Variants in SLC9A9 observed in about 807,000 individuals in gnomAD.
The protein encoded by SLC9A9 is sodium/hydrogen exchanger 9.
A neutral mutation model predicts 77.8 loss-of-function variants in SLC9A9; 62 were observed. The observed-to-expected ratio is 0.80, with a 90% CI of 0.65 to 0.98. The LOEUF (loss-of-function observed/expected upper bound fraction) is 0.98, where lower values mean the gene tolerates loss of function less well. Ranked by LOEUF, SLC9A9 falls within the 50% of genes least tolerant of loss-of-function variation. SLC9A9 has a pLI of 0.00. For missense variants in SLC9A9, 775 were observed against 774.9 expected (o/e 1.00, Z 0.00); for synonymous variants, 320 against 283.5 (o/e 1.13, Z -1.29).
chr3:143,277,802 C>T (rs945676896), intron 14 of SLC9A9, among the ~76,000 whole-genome samples: 175 of 152,182 alleles, frequency 1.1e-3, no homozygotes, highest in African/African-American at 4.1e-3. Context: ...CTTTGAAGGT[C>T]ACTTCCCTGA....
chr3:143,823,817 G>A (rs1327618515), intron 2 of SLC9A9, among the ~76,000 whole-genome samples: 2 of 151,934 alleles, frequency 1.3e-5, no homozygotes, highest in Non-Finnish European at 1.5e-5. Context: ...AAGATGAGGT[G>A]TCCATATCTT....
chr3:143,490,567 G>A (rs2035725694), intron 11 of SLC9A9, among the ~76,000 whole-genome samples: 1 of 152,118 alleles, frequency 6.6e-6, no homozygotes. Flanking sequence ...TTTACAAGAC[G>A]AAAAGAATTA....
At chr3:143,514,564 C>A (rs145553940) in intron 9 of SLC9A9, among the ~76,000 whole-genome samples, 116 of 152,342 alleles carry the variant, frequency 7.6e-4, no homozygotes, top group African/African-American at 2.7e-3. Flanking sequence ...CCACCTTTAT[C>A]AATTAGCTAG....
chr3:143,517,714 G>A (rs1333354581), intron 9 of SLC9A9: 44 of 1,597,648 alleles, frequency 2.8e-5, no homozygotes, highest in Non-Finnish European at 3.4e-5. Flanking sequence ...CAATGGCTCT[G>A]TCACAGTCTT....
Position 143,691,361 on chromosome 3 carries a change from C to T in SLC9A9, c.649+1831G>A, listed in dbSNP as rs928863793. 5.9e-5 allele frequency among the ~76,000 whole-genome samples: 9 copies of T among 152,208 alleles called. No homozygotes were observed. The East Asian group carries it at 1.7e-3, about 29-fold the overall frequency. ...TTGGGTTTATAGGCATGAGCCACCG[C>T]TCCCAGCTGAGAAAGATTCTTATAT... On this transcript the variant is annotated intron_variant, in intron 5 of 15. Coordinates refer to ENST00000316549, the MANE Select transcript of SLC9A9 (RefSeq NM_173653.4).
chr3:143,774,635 G>A (rs1037689930), intron 4 of SLC9A9, among the ~76,000 whole-genome samples: 5 of 152,124 alleles, frequency 3.3e-5, no homozygotes, highest in African/African-American at 1.2e-4. Context: ...GTTATTATGT[G>A]TATCATATAC....
At chr3:143,487,380 G>A (rs1370950650) in intron 11 of SLC9A9, among the ~76,000 whole-genome samples, 1 of 151,756 alleles carries the variant, frequency 6.6e-6, no homozygotes, top group Non-Finnish European at 1.5e-5. Context: ...CAGATAGAAT[G>A]TAAGTAAGGG....
intron 1 of SLC9A9, among the ~76,000 whole-genome samples, chr3:143,833,609 T>C (rs1255070519): frequency 6.6e-6 from 1 of 152,118 alleles, no homozygotes; most frequent in African/African-American, 2.4e-5. Flanking sequence ...ATGCTCTCCC[T>C]GTGTGTAGAC....
intron 4 of SLC9A9, among the ~76,000 whole-genome samples, chr3:143,783,711 T>C (rs2007956273): frequency 6.6e-6 from 1 of 152,290 alleles, no homozygotes; most frequent in South Asian, 2.1e-4. Context: ...GAATAAGATT[T>C]ACTTCTGGGG....
Position 143,291,196 on chromosome 3 carries a change from C to T in SLC9A9, c.1605-22216G>A, listed in dbSNP as rs371772069. Reference sequence around the variant, plus strand: ...CATCCTTCACATGCCGTCACCCTCCCTTTGAGCAGCACCCTCCTTGTCATC... The same window carrying T: ...CATCCTTCACATGCCGTCACCCTCCTTTTGAGCAGCACCCTCCTTGTCATC... On this transcript the variant is annotated intron_variant, in intron 14 of 15. Transcript: ENST00000316549. 3.3e-5 allele frequency among the ~76,000 whole-genome samples: 5 copies of T among 152,326 alleles called. No homozygotes were observed. In the East Asian group the frequency reaches 5.8e-4, roughly 18 times the overall value.
chr3:143,465,888 T>G (rs1025928076), intron 12 of SLC9A9, among the ~76,000 whole-genome samples: 1 of 152,238 alleles, frequency 6.6e-6, no homozygotes, highest in African/African-American at 2.4e-5. Context: ...TTTTTATGTG[T>G]TTAGCAATAT....
At chr3:143,397,676 C>CCCA (rs1432858048) in intron 12 of SLC9A9, among the ~76,000 whole-genome samples, 1 of 152,114 alleles carries the variant, frequency 6.6e-6, no homozygotes. Context: ...CCATTAAAGA[C>CCCA]CATGCTTGGT....
At chr3:143,616,985 A>G (rs1374861212) in intron 6 of SLC9A9, among the ~76,000 whole-genome samples, 1 of 152,152 alleles carries the variant, frequency 6.6e-6, no homozygotes, top group African/African-American at 2.4e-5. Flanking sequence ...GTGTGATAAG[A>G]AGAATGCTCA....
intron 6 of SLC9A9, among the ~76,000 whole-genome samples, chr3:143,630,001 A>AT (rs1319789026): frequency 6.6e-6 from 1 of 152,056 alleles, no homozygotes; most frequent in Non-Finnish European, 1.5e-5. Flanking sequence ...CAATTATATT[A>AT]TTTTTACTTC....
chr3:143,530,524 G>C (rs1374144419), intron 9 of SLC9A9, among the ~76,000 whole-genome samples: 4 of 152,088 alleles, frequency 2.6e-5, no homozygotes, highest in Non-Finnish European at 4.4e-5. Context: ...AAATTACCCA[G>C]TGTTGGGTAT....
At chr3:143,467,322 A>T in intron 11 of SLC9A9, 132 bp from the exon 12 acceptor site, 1 of 1,057,334 alleles carries the variant, frequency 9.5e-7, no homozygotes, top group East Asian at 2.6e-5. Context: ...TTATAGATTC[A>T]TAAAGAGTTG....
intron 6 of SLC9A9, among the ~76,000 whole-genome samples, chr3:143,625,186 T>C (rs1488849963): frequency 6.6e-6 from 1 of 152,232 alleles, no homozygotes; most frequent in Non-Finnish European, 1.5e-5. Context: ...ATGGCCATAA[T>C]GCCCAAGGCA....
At chr3:143,670,659 C>T (rs2039142533) in intron 5 of SLC9A9, among the ~76,000 whole-genome samples, 1 of 152,176 alleles carries the variant, frequency 6.6e-6, no homozygotes, top group South Asian at 2.1e-4. Flanking sequence ...AGACCTTAAG[C>T]TTTCTCAGAG....
At chr3:143,498,851 G>C (rs1036693745) in intron 9 of SLC9A9, among the ~76,000 whole-genome samples, 1 of 152,086 alleles carries the variant, frequency 6.6e-6, no homozygotes, top group African/African-American at 2.4e-5. Context: ...CTTTGACTCA[G>C]CAATATGTTT....
Sources: gnomAD v4.1 joint callset for allele counts (sites outside exome capture counted in the v4.1 genomes callset) on GRCh38, gnomAD v4.1.1 for gene constraint, MANE v1.5 for transcripts, NCBI Gene and HGNC (gene_info 2026-07-23, HGNC 2026-07-21) for gene names.